Variants in ZNF184 observed in about 807,000 individuals in gnomAD.
ZNF184 encodes zinc finger protein 184.
A neutral mutation model predicts 54.4 loss-of-function variants in ZNF184; 16 were observed. The ratio of observed to expected loss-of-function variants is 0.29; its 90% CI spans 0.20 to 0.45. The LOEUF (loss-of-function observed/expected upper bound fraction) is 0.45. Ranked by LOEUF, ZNF184 falls within the 20% of genes least tolerant of loss-of-function variation. The pLI, the probability that ZNF184 is intolerant of heterozygous loss-of-function variation, is 1.00. For missense variants in ZNF184, 681 were observed against 888.2 expected (o/e 0.77, Z 2.97); for synonymous variants, 254 against 295.3 (o/e 0.86, Z 1.43).
the ZNF184 span, among the ~76,000 whole-genome samples, chr6:27,425,070 G>A: frequency 6.6e-6 from 1 of 152,230 alleles, no homozygotes; most frequent in Non-Finnish European, 1.5e-5. Context: ...GCTGGCCCAG[G>A]TGCCAAGCCC....
At chr6:27,432,128 A>C in the ZNF184 span, among the ~76,000 whole-genome samples, 6 of 152,060 alleles carry the variant, frequency 3.9e-5, no homozygotes, top group African/African-American at 1.4e-4. This position sits in a 1 kb window ranked among gnomAD's most constrained non-coding sequence, Gnocchi z 4.0. Flanking sequence ...ACCAAGGGAG[A>C]GAGCATCCAA....
the ZNF184 span, among the ~76,000 whole-genome samples, chr6:27,430,290 T>A: frequency 3.3e-5 from 5 of 152,186 alleles, no homozygotes; most frequent in African/African-American, 1.2e-4. Context: ...TGTTCTGAAC[T>A]GTTTTAACTG....
At chr6:27,437,800 C>A in the ZNF184 span, among the ~76,000 whole-genome samples, 1 of 152,204 alleles carries the variant, frequency 6.6e-6, no homozygotes, top group African/African-American at 2.4e-5. Context: ...GAATCAGAGG[C>A]TGTGTCTTGC....
chr6:27,447,075 A>T, downstream of ZNF184, among the ~76,000 whole-genome samples: 1 of 147,690 alleles, frequency 6.8e-6, no homozygotes, highest in East Asian at 2.0e-4. Context: ...CTGCAATCAA[A>T]AAAAAAAAAA....
chr6:27,423,987 G>T, the ZNF184 span, among the ~76,000 whole-genome samples: 1 of 152,162 alleles, frequency 6.6e-6, no homozygotes, highest in Non-Finnish European at 1.5e-5. Context: ...TCTGGAAATG[G>T]TGGGTTCTTG....
chr6:27,420,209 T>G, the ZNF184 span, among the ~76,000 whole-genome samples: 3 of 152,210 alleles, frequency 2.0e-5, no homozygotes, highest in Non-Finnish European at 2.9e-5. Context: ...GATTATAATA[T>G]TCCCAGGTAC....
chr6:27,408,536 G>A, the ZNF184 span, among the ~76,000 whole-genome samples: 1 of 152,152 alleles, frequency 6.6e-6, no homozygotes, highest in African/African-American at 2.4e-5. Flanking sequence ...CACAGCATAA[G>A]AAGAATATCA....
the ZNF184 span, among the ~76,000 whole-genome samples, chr6:27,409,311 A>G: frequency 1.3e-5 from 2 of 152,010 alleles, no homozygotes; most frequent in East Asian, 3.9e-4. Context: ...CATCCTGGCT[A>G]ACATGGTGAA....
the ZNF184 span, among the ~76,000 whole-genome samples, chr6:27,421,283 T>C: frequency 2.6e-5 from 4 of 152,246 alleles, no homozygotes; most frequent in Non-Finnish European, 5.9e-5. Context: ...GTAACAAATG[T>C]ACCATTGAAG....
chr6:27,467,342 T>C (rs1763164037), intron 3 of ZNF184, among the ~76,000 whole-genome samples: 1 of 152,156 alleles, frequency 6.6e-6, no homozygotes, highest in African/African-American at 2.4e-5. Flanking sequence ...ACACCTGCAA[T>C]CCCAGCACTT....
intron 3 of ZNF184, among the ~76,000 whole-genome samples, chr6:27,465,785 A>G (rs1763120443): frequency 6.6e-6 from 1 of 152,138 alleles, no homozygotes; most frequent in Non-Finnish European, 1.5e-5. Flanking sequence ...AGACCAACCC[A>G]CAACAGTCTG....
chr6:27,446,066 C>G (rs999228563), downstream of ZNF184, among the ~76,000 whole-genome samples: 10 of 152,054 alleles, frequency 6.6e-5, no homozygotes, highest in African/African-American at 2.2e-4. Flanking sequence ...TATAGCCTGG[C>G]CATATAAATA....
chr6:27,466,868 C>A (rs1427360961), intron 3 of ZNF184, among the ~76,000 whole-genome samples: 1 of 152,108 alleles, frequency 6.6e-6, no homozygotes, highest in Non-Finnish European at 1.5e-5. Flanking sequence ...CAGTCCAGGT[C>A]ACTTTTCTTC....
chr6:27,452,655 C>T lies in ZNF184; in HGVS notation c.904G>A (p.Gly302Arg), dbSNP rs1289409347. 1 of 1,613,686 alleles carries T rather than the reference C, an allele frequency of 6.2e-7. No individual in the cohort carries two copies. The highest frequency in any genetic ancestry group is 8.5e-7 in the Non-Finnish European group (1 of 1,179,934). Residue 302 changes from glycine (G) to arginine (R), a missense_variant, in exon 6 of 6, where the codon GGA becomes AGA. By Grantham distance (125) the Gly-to-Arg change is moderately radical (BLOSUM62 -2). Transcript: ENST00000683788. This position sits in a 1 kb window ranked among gnomAD's most constrained non-coding sequence, Gnocchi z 5.5. ...TCATCACATTTATATGGTTTTTCTC[C>T]AGTATGAATTCTTTGATGTTGAGTA... ...SLTQHQRIHT[G>R]EKPYKCDECG...
At chr6:27,404,260 G>A in the ZNF184 span, 2 of 152,108 alleles carry the variant, frequency 1.3e-5, no homozygotes, top group African/African-American at 4.8e-5. Context: ...ATTCTTCAAG[G>A]AAAACAAAGC....
At chr6:27,470,715 G>GT (rs1178891459) in intron 2 of ZNF184, among the ~76,000 whole-genome samples, 1 of 152,110 alleles carries the variant, frequency 6.6e-6, no homozygotes, top group African/African-American at 2.4e-5. Context: ...AACAGCAACA[G>GT]TTACAGAAAC....
At chr6:27,448,411 C>T (rs1405965577), downstream of ZNF184, among the ~76,000 whole-genome samples, 4 of 152,084 alleles carry the variant, frequency 2.6e-5, no homozygotes, top group Non-Finnish European at 5.9e-5. Flanking sequence ...ACTCTTAACG[C>T]TTTATAATTT....
the ZNF184 span, among the ~76,000 whole-genome samples, chr6:27,418,287 T>C: frequency 0.033 from 4,994 of 152,262 alleles, 194 homozygotes; most frequent in African/African-American, 0.094. Flanking sequence ...TGCACGTTGC[T>C]AGTGACTAAT....
intron 3 of ZNF184, among the ~76,000 whole-genome samples, chr6:27,458,802 C>T (rs1211325225): frequency 1.3e-5 from 2 of 152,108 alleles, no homozygotes; most frequent in Non-Finnish European, 2.9e-5. Context: ...GCTTTACTGA[C>T]AACAGCTAAG....
Sources: gnomAD v4.1 joint callset for allele counts (sites outside exome capture counted in the v4.1 genomes callset) on GRCh38, gnomAD v4.1.1 for gene constraint, Gnocchi (gnomAD v3.1) non-coding constraint, MANE v1.5 for transcripts, NCBI Gene and HGNC (gene_info 2026-07-23, HGNC 2026-07-21) for gene names.